Variants in MTHFD2L observed in about 807,000 individuals in gnomAD.
MTHFD2L encodes methylenetetrahydrofolate dehydrogenase (NADP+ dependent) 2 like, also known as bifunctional methylenetetrahydrofolate dehydrogenase/cyclohydrolase 2, mitochondrial.
Under a neutral mutation model 34.9 loss-of-function variants are expected in MTHFD2L, and 29 were observed. That is an observed-to-expected ratio of 0.83 (90% CI 0.62 to 1.13). The LOEUF (loss-of-function observed/expected upper bound fraction) is 1.13. Among genes scored for constraint, MTHFD2L ranks in the 50% most tolerant of loss-of-function variants. MTHFD2L has a pLI of 0.00. For missense variants in MTHFD2L, 481 were observed against 446.5 expected, an observed-to-expected ratio of 1.08 and a Z score of -0.70; for synonymous variants, 167 against 155.7, an observed-to-expected ratio of 1.07 and a Z score of -0.54.
upstream of MTHFD2L, among the ~76,000 whole-genome samples, chr4:74,124,115 C>G (rs1378392657): frequency 6.6e-6 from 1 of 151,852 alleles, no homozygotes; most frequent in African/African-American, 2.4e-5. Flanking sequence ...TATTTTTACT[C>G]AGTGTTCTGC....
At chr4:74,255,312 A>C (rs553897531) in intron 6 of MTHFD2L, among the ~76,000 whole-genome samples, 45 of 152,094 alleles carry the variant, frequency 3.0e-4, no homozygotes, top group Non-Finnish European at 6.0e-4. Context: ...ACTGTAAGAT[A>C]TTTTATGTGA....
At chr4:74,280,680 T>C (rs536070780) in intron 6 of MTHFD2L, among the ~76,000 whole-genome samples, 1 of 152,198 alleles carries the variant, frequency 6.6e-6, no homozygotes, top group African/African-American at 2.4e-5. Flanking sequence ...GCTGGTACTG[T>C]TGTATTTGAA....
rs1240233452 is a variant in MTHFD2L, at chr4:74,281,550, G to A, written c.931G>A (p.Ala311Thr). Residue 311 changes from alanine to threonine, a missense_variant and splice_region_variant, in exon 7 of 8, where the codon GCT becomes ACT. Transcript: ENST00000325278. ...ATTAGTTGGAGATGTGGACTTCGAA[G>A]GTAATAAACCAATATCTTTTGATAG... ...TKLVGDVDFE[A>T]VKKKAGFITP... 1 of 1,610,400 alleles carries A rather than the reference G, an allele frequency of 6.2e-7. No homozygotes were observed. The highest frequency in any genetic ancestry group is 1.7e-5 in the Admixed American group (1 of 59,542).
rs1265375341 is a variant in MTHFD2L at position 74,148,377 on chromosome 4, TTATTTATTTATTTATCTATC to T, written c.-296-11674_-296-11655del. On this transcript the variant is annotated intron_variant, in intron 1 of 7. Coordinates refer to the MTHFD2L transcript ENST00000433372. ...TTTATTTATTTATTTATTTATTTATTTATTTATTTATTTATCTATCTATCTATTTAGACAGAGTTTTGCTC... is the reference window on the plus strand; with the variant it reads ...TTTATTTATTTATTTATTTATTTATTTATCTATTTAGACAGAGTTTTGCTC... Among the ~76,000 whole-genome samples the T allele has an allele frequency of 5.0e-3, 199 of 39,438 alleles. 1 individual carries two copies. The highest frequency in any genetic ancestry group is 9.3e-3 in the South Asian group (7 of 756). The allele number at this position is 39,438 out of a possible 152,430, so 25.9% of individuals were successfully genotyped here. A position where few individuals can be genotyped will look rare whatever the true frequency, so the allele number is the denominator to read the frequency against.
chr4:74,214,659 G>A (rs1466392706), intron 5 of MTHFD2L, among the ~76,000 whole-genome samples: 1 of 151,842 alleles, frequency 6.6e-6, no homozygotes, highest in Admixed American at 6.6e-5. Context: ...CTGCTGCAAG[G>A]TGTCTCCCAG....
chr4:74,249,169 A>T (rs1294991195), intron 6 of MTHFD2L, among the ~76,000 whole-genome samples: 1 of 150,204 alleles, frequency 6.7e-6, no homozygotes, highest in Non-Finnish European at 1.5e-5. Flanking sequence ...GTGCTCCTGT[A>T]TTGGGTGCAT....
At chr4:74,170,434 CTA>C (rs1560439694) in intron 1 of MTHFD2L, among the ~76,000 whole-genome samples, 1 of 152,130 alleles carries the variant, frequency 6.6e-6, no homozygotes, top group Non-Finnish European at 1.5e-5. Flanking sequence ...TCTCACCAAA[CTA>C]AAAATAGACA....
chr4:74,188,183 T>C (rs554819492), intron 3 of MTHFD2L, among the ~76,000 whole-genome samples: 3 of 152,292 alleles, frequency 2.0e-5, no homozygotes, highest in Admixed American at 2.0e-4. Flanking sequence ...AGCATATCCG[T>C]GGTGTATTAG....
chr4:74,214,810 C>T (rs1371198545), intron 5 of MTHFD2L, among the ~76,000 whole-genome samples: 2 of 151,798 alleles, frequency 1.3e-5, no homozygotes, highest in Admixed American at 1.3e-4. Flanking sequence ...CGCCCACAGC[C>T]GCCCCTTCCC....
chr4:74,198,396 G>C (rs958348258), intron 3 of MTHFD2L, among the ~76,000 whole-genome samples: 3 of 152,088 alleles, frequency 2.0e-5, no homozygotes, highest in Non-Finnish European at 2.9e-5. Context: ...TTAATCAGTA[G>C]CCCAGCCCAT....
chr4:74,272,779 C>T (rs1329945154), intron 6 of MTHFD2L, among the ~76,000 whole-genome samples: 2 of 152,116 alleles, frequency 1.3e-5, no homozygotes, highest in Non-Finnish European at 1.5e-5. Flanking sequence ...TTATTTCTGG[C>T]TTAAGGTCAT....
At chr4:74,230,318 A>G (rs1964526) in intron 6 of MTHFD2L, among the ~76,000 whole-genome samples, 97,102 of 151,928 alleles carry the variant, frequency 0.64, 33,797 homozygotes, top group Middle Eastern at 0.78. Context: ...GGCCGGGTGC[A>G]GTGGCTTACA....
At chr4:74,254,132 A>G (rs1185451590) in intron 6 of MTHFD2L, among the ~76,000 whole-genome samples, 1 of 152,234 alleles carries the variant, frequency 6.6e-6, no homozygotes, top group Non-Finnish European at 1.5e-5. Flanking sequence ...GCTTAATTAA[A>G]GAAATATTAA....
chr4:74,137,349 C>A (rs145823477), intron 1 of MTHFD2L, among the ~76,000 whole-genome samples: 156 of 152,188 alleles, frequency 1.0e-3, no homozygotes, highest in Non-Finnish European at 1.5e-3. Flanking sequence ...AAATGACTAA[C>A]AGCTATATTA....
At position 74,302,449 on chromosome 4, in the gene MTHFD2L, A is replaced by G. The variant is rs1264560073; in HGVS notation, c.*640A>G. The G allele has an allele frequency of 6.6e-6, 1 of 152,082 alleles. No homozygotes were observed. Among genetic ancestry groups the G allele is most frequent in the African/African-American group, 2.4e-5 (1 of 41,428 alleles). 9.4% of individuals were successfully genotyped at this position (152,082 alleles called of 1,614,324 possible). On this transcript the variant is annotated 3_prime_UTR_variant, in exon 8 of 8. Coordinates refer to ENST00000325278, the MANE Select transcript of MTHFD2L (RefSeq NM_001144978.3). Reference sequence around the variant, plus strand: ...TGCAGTGCTGTTTGGAAGTGTAATGATTTTATCACATGGTGAATGACTACT... The same window carrying G: ...TGCAGTGCTGTTTGGAAGTGTAATGGTTTTATCACATGGTGAATGACTACT...
At chr4:74,301,621 T>C (rs1381088315) in intron 7 of MTHFD2L, 76 bp from the exon 8 acceptor site, 1 of 868,892 alleles carries the variant, frequency 1.2e-6, no homozygotes, top group Non-Finnish European at 1.8e-6. Flanking sequence ...AATCACTATA[T>C]TCAGCATGTT....
intron 6 of MTHFD2L, among the ~76,000 whole-genome samples, chr4:74,260,773 T>C (rs1455656486): frequency 6.6e-6 from 1 of 152,084 alleles, no homozygotes; most frequent in Non-Finnish European, 1.5e-5. Flanking sequence ...TCTAGTCTTA[T>C]TACAAATATT....
chr4:74,199,980 T>C, intron 4 of MTHFD2L, 34 bp downstream of exon 4: 1 of 1,611,094 alleles, frequency 6.2e-7, no homozygotes, highest in Non-Finnish European at 8.5e-7. Flanking sequence ...ACATGGATGC[T>C]AGGTGCTGAG....
upstream of MTHFD2L, chr4:74,156,721 T>G (rs1724293555): frequency 6.6e-6 from 1 of 152,210 alleles, no homozygotes; most frequent in Non-Finnish European, 1.5e-5. Flanking sequence ...GCATTTCGTA[T>G]TATCAATTTT....
Sources: gnomAD v4.1 joint callset for allele counts (sites outside exome capture counted in the v4.1 genomes callset) on GRCh38, gnomAD v4.1.1 for gene constraint, MANE v1.5 for transcripts, NCBI Gene and HGNC (gene_info 2026-07-23, HGNC 2026-07-21) for gene names.